Variants in RTP2 observed in about 807,000 individuals in gnomAD.
The protein encoded by RTP2 is receptor-transporting protein 2.
A neutral mutation model predicts 17.9 loss-of-function variants in RTP2; 12 were observed. The ratio of observed to expected loss-of-function variants is 0.67; its 90% CI spans 0.43 to 1.09. The LOEUF (loss-of-function observed/expected upper bound fraction) is 1.09. RTP2 is among the 50% of genes least tolerant of loss of function. The pLI is 0.00. For synonymous variants in RTP2, 126 were observed against 117.7 expected, an observed-to-expected ratio of 1.07 and a Z score of -0.46; for missense variants, 327 against 295.7, an observed-to-expected ratio of 1.11 and a Z score of -0.78.
exon 2 of RTP2, chr3:187,698,380 G>T: frequency 3.6e-6 from 3 of 835,890 alleles, no homozygotes; most frequent in Non-Finnish European, 5.5e-6. Flanking sequence ...ATTAACTGAG[G>T]CCCAGAGAGG....
exon 2 of RTP2, chr3:187,698,285 CT>C (rs1717737449): frequency 7.2e-6 from 4 of 556,740 alleles, no homozygotes; most frequent in Non-Finnish European, 9.5e-6. Context: ...TTATTACACC[CT>C]TTTCCCCTTC....
At chr3:187,708,969 CT>C in the RTP2 span, among the ~76,000 whole-genome samples, 32,804 of 142,184 alleles carry the variant, frequency 0.23, 3,750 homozygotes, top group African/African-American at 0.29. Flanking sequence ...TTTTTTTTTC[CT>C]TTTTTTTTTT....
At chr3:187,702,027 G>C (rs772117505) in exon 1 of RTP2, 5 of 1,613,386 alleles carry the variant, frequency 3.1e-6, no homozygotes, top group Non-Finnish European at 4.2e-6. Flanking sequence ...TGGGCTTGAG[G>C]TTGGGGTCTA....
In RTP2 at chr3:187,698,649, A is replaced by G. The variant is rs775686497; in HGVS notation, c.527T>C (p.Val176Ala). ...GGAGGCTTCAGAGGTGTAGGTGGTC[A>G]CCTCCTCCTCCAGCAGCTTCTCGCT... Residue 176 changes from valine (V) to alanine (A), a missense_variant, in exon 2 of 2, where the codon GTG becomes GCG. By Grantham distance (64) the Val-to-Ala change is moderately conservative (BLOSUM62 0). Transcript: ENST00000358241. The G allele has an allele frequency of 7.0e-5, 113 of 1,614,130 alleles. No homozygotes were observed. The highest frequency in any genetic ancestry group is 1.8e-4 in the East Asian group (8 of 44,868).
chr3:187,698,438 CA>C, exon 2 of RTP2: 1 of 1,451,794 alleles, frequency 6.9e-7, no homozygotes, highest in African/African-American at 1.4e-5. Flanking sequence ...GGATCAAGTC[CA>C]GACTGTGTCC....
exon 1 of RTP2, chr3:187,702,387 C>A (rs555154478): frequency 1.8e-6 from 1 of 551,252 alleles, no homozygotes. Flanking sequence ...TCAGAGGCAG[C>A]GCTGGGTAGG....
upstream of RTP2, among the ~76,000 whole-genome samples, chr3:187,702,819 A>C (rs1264402392): frequency 6.6e-6 from 1 of 152,262 alleles, no homozygotes; most frequent in East Asian, 1.9e-4. Context: ...TTGAGTGAGA[A>C]GTAACATCTC....
At chr3:187,704,017 T>A (rs2108543823), upstream of RTP2, among the ~76,000 whole-genome samples, 1 of 152,328 alleles carries the variant, frequency 6.6e-6, no homozygotes, top group South Asian at 2.1e-4. Flanking sequence ...TTTCCGCGAA[T>A]GACACTATCT....
chr3:187,701,948 C>G lies in RTP2; in HGVS notation c.164+17G>C. The G allele has an allele frequency of 6.4e-7, 1 of 1,561,268 alleles. No individual in the cohort carries two copies. Among genetic ancestry groups the G allele is most frequent in the South Asian group, 1.2e-5 (1 of 82,508 alleles). On this transcript the variant is annotated intron_variant, in intron 1 of 1. Coordinates refer to ENST00000358241, the Ensembl canonical transcript of RTP2. ...CCAGGGGCTGTCTGCAAGGTCCCTCCCCACTGAACCTCTCACCTGCCTGAG... is the reference window on the plus strand; with the variant it reads ...CCAGGGGCTGTCTGCAAGGTCCCTCGCCACTGAACCTCTCACCTGCCTGAG...
At chr3:187,700,439 C>T (rs905746316) in intron 1 of RTP2, among the ~76,000 whole-genome samples, 1 of 152,196 alleles carries the variant, frequency 6.6e-6, no homozygotes, top group Non-Finnish European at 1.5e-5. Context: ...CAGCTGGGAG[C>T]CACAAGTCAC....
chr3:187,709,341 A>C, the RTP2 span, among the ~76,000 whole-genome samples: 1 of 152,190 alleles, frequency 6.6e-6, no homozygotes, highest in Non-Finnish European at 1.5e-5. Flanking sequence ...TGAAACCTGC[A>C]TCAGCACCTC....
chr3:187,703,786 C>T (rs1398445858), upstream of RTP2, among the ~76,000 whole-genome samples: 1 of 152,102 alleles, frequency 6.6e-6, no homozygotes. Context: ...ACCCTTGTTC[C>T]CAGAACAAAT....
upstream of RTP2, among the ~76,000 whole-genome samples, chr3:187,705,586 C>T (rs1248156946): frequency 6.6e-6 from 1 of 152,148 alleles, no homozygotes; most frequent in East Asian, 1.9e-4. Flanking sequence ...GGAAAGGACC[C>T]ATTAAAGCTG....
exon 1 of RTP2, chr3:187,702,286 C>T (rs1717873107): frequency 7.0e-6 from 5 of 713,852 alleles, no homozygotes; most frequent in Non-Finnish European, 1.2e-5. Flanking sequence ...ACCCTGGAAC[C>T]TGTTACCATG....
chr3:187,708,353 A>G, the RTP2 span, among the ~76,000 whole-genome samples: 1 of 152,226 alleles, frequency 6.6e-6, no homozygotes, highest in East Asian at 1.9e-4. Flanking sequence ...CTCTGTGATG[A>G]TAAAGTAGAA....
the RTP2 span, among the ~76,000 whole-genome samples, chr3:187,711,060 T>C: frequency 3.3e-5 from 5 of 152,230 alleles, no homozygotes; most frequent in Non-Finnish European, 5.9e-5. Flanking sequence ...CTAATATGCA[T>C]AGCCACCCCT....
At chr3:187,698,805 C>A (rs748368079) in exon 2 of RTP2, 1 of 1,613,504 alleles carries the variant, frequency 6.2e-7, no homozygotes, top group Non-Finnish European at 8.5e-7. Context: ...CTCGCGCAGG[C>A]TGGTGATGAG....
the RTP2 span, among the ~76,000 whole-genome samples, chr3:187,709,993 A>G: frequency 6.6e-6 from 1 of 152,124 alleles, no homozygotes; most frequent in Admixed American, 6.5e-5. Flanking sequence ...CCATTTCTGG[A>G]TGTGTCTGTG....
the RTP2 span, chr3:187,715,528 A>G: frequency 3.8e-5 from 14 of 366,442 alleles, no homozygotes. Context: ...ATTTCCGAGG[A>G]ACTAATACTG....
Sources: gnomAD v4.1 joint callset for allele counts (sites outside exome capture counted in the v4.1 genomes callset) on GRCh38, gnomAD v4.1.1 for gene constraint, MANE v1.5 for transcripts, NCBI Gene and HGNC (gene_info 2026-07-23, HGNC 2026-07-21) for gene names.